Variants in RPGRIP1L observed in about 807,000 individuals in gnomAD.
RPGRIP1L encodes protein fantom.
In RPGRIP1L, 131 loss-of-function variants were observed where a neutral mutation model predicts 160.4. The observed-to-expected ratio is 0.82, with a 90% confidence interval of 0.71 to 0.94. The LOEUF is 0.94. RPGRIP1L is among the 40% of genes least tolerant of loss of function. The pLI is 0.00. For synonymous variants in RPGRIP1L, 510 were observed against 515.8 expected (o/e 0.99, Z 0.15); for missense variants, 1,522 against 1,535.8 (o/e 0.99, Z 0.15).
chr16:53,698,275 G>T (rs933630044), intron 2 of RPGRIP1L, among the ~76,000 whole-genome samples: 37 of 151,342 alleles, frequency 2.4e-4, no homozygotes, highest in Non-Finnish European at 4.1e-4. Flanking sequence ...GGAGGTGGGG[G>T]GTCAGCCCCC....
rs1171426018 is a variant in RPGRIP1L, at chr16:53,601,815, G to A, written c.*261C>T. On this transcript the variant is annotated 3_prime_UTR_variant, in exon 27 of 27. Transcript: ENST00000647211. ...CAAATAGACTTTCTCACGCTATCACGTAGGTATAAATTATTGAGAAGGTAC... is the reference window on the plus strand; with the variant it reads ...CAAATAGACTTTCTCACGCTATCACATAGGTATAAATTATTGAGAAGGTAC... 2.5e-6 allele frequency: 1 copy of A among 400,824 alleles called. No homozygotes were observed. Among genetic ancestry groups the A allele is most frequent in the Non-Finnish European group, 4.6e-6 (1 of 216,918 alleles). The allele number at this position is 400,824 out of a possible 1,614,324, so 24.8% of individuals were successfully genotyped here. A position where few individuals can be genotyped will look rare whatever the true frequency, so the allele number is the denominator to read the frequency against.
Position 53,672,956 on chromosome 16 carries a change from T to G in RPGRIP1L, c.943A>C (p.Met315Leu), listed in dbSNP as rs372720935. 6.2e-7 allele frequency: 1 copy of G among 1,613,230 alleles called. No individual in the cohort carries two copies. Among genetic ancestry groups the G allele is most frequent in the Non-Finnish European group, 8.5e-7 (1 of 1,179,428 alleles). Residue 315 changes from methionine to leucine, a missense_variant, in exon 8 of 27, where the codon ATG (methionine) becomes CTG (leucine). Coordinates refer to ENST00000647211, the MANE Select transcript of RPGRIP1L (RefSeq NM_015272.5). ...ALMANGDELN[M>L]QLKEQRLKCC... ...TTTAAACGCTGCTCTTTAAGTTGCA[T>G]GTTTAATTCATCCCCATTTGCCATC... is the stretch of plus-strand genomic sequence containing the variant.
intron 4 of RPGRIP1L, among the ~76,000 whole-genome samples, chr16:53,688,655 G>T (rs1042515861): frequency 5.9e-5 from 9 of 151,994 alleles, no homozygotes; most frequent in African/African-American, 2.2e-4. Flanking sequence ...GGTAGATAAA[G>T]CATCACAGAT....
At chr16:53,667,314 C>G (rs1399061799) in intron 9 of RPGRIP1L, among the ~76,000 whole-genome samples, 1 of 152,160 alleles carries the variant, frequency 6.6e-6, no homozygotes, top group Non-Finnish European at 1.5e-5. Flanking sequence ...TGATAAAGAT[C>G]TAAATAAAGC....
In RPGRIP1L at chr16:53,687,999, T is replaced by G. The variant is rs770497668; in HGVS notation, c.530-34A>C. 4 of 1,259,562 alleles carry G rather than the reference T, an allele frequency of 3.2e-6. No individual in the cohort carries two copies. The South Asian group carries it at 4.8e-5, about 15-fold the overall frequency. 78.0% of individuals were successfully genotyped at this position (1,259,562 alleles called of 1,614,324 possible). A position where few individuals can be genotyped will look rare whatever the true frequency, so the allele number is the denominator to read the frequency against. On this transcript the variant is annotated intron_variant, in intron 4 of 26. Coordinates refer to ENST00000647211, the MANE Select transcript of RPGRIP1L (RefSeq NM_015272.5). ...AAAGTAATAAAATATGATTACAGAA[T>G]TGAAGTTAGAAAAGAAGGATCTTTG...
intron 26 of RPGRIP1L, among the ~76,000 whole-genome samples, chr16:53,603,781 T>C (rs911794605): frequency 6.6e-6 from 1 of 151,870 alleles, no homozygotes; most frequent in African/African-American, 2.4e-5. Flanking sequence ...AAACTGAGCA[T>C]TGGGTAAGTG....
intron 4 of RPGRIP1L, among the ~76,000 whole-genome samples, chr16:53,691,843 A>G (rs1356154672): frequency 6.6e-6 from 1 of 152,194 alleles, no homozygotes; most frequent in Non-Finnish European, 1.5e-5. Context: ...CATCTCTTAC[A>G]TTAAGGTTAT....
intron 25 of RPGRIP1L, among the ~76,000 whole-genome samples, chr16:53,609,066 G>A (rs921469579): frequency 1.3e-5 from 2 of 152,126 alleles, no homozygotes; most frequent in Non-Finnish European, 2.9e-5. Flanking sequence ...CCATGGGAGA[G>A]TGGGAGTCAT....
chr16:53,672,843 A>G (rs1968853927), intron 8 of RPGRIP1L, 27 bp downstream of exon 8: 2 of 1,602,550 alleles, frequency 1.2e-6, no homozygotes, highest in South Asian at 1.1e-5. Context: ...GTAATGCAAC[A>G]GATGGCTAAA....
chr16:53,696,844 G>A (rs1970799587), intron 2 of RPGRIP1L, among the ~76,000 whole-genome samples: 1 of 152,130 alleles, frequency 6.6e-6, no homozygotes, highest in Non-Finnish European at 1.5e-5. Context: ...TAAATTTTAA[G>A]AACGTTTATA....
At position 53,602,125 on chromosome 16, in the gene RPGRIP1L, T is replaced by C; in HGVS notation, c.3899A>G (p.His1300Arg). 2 of 1,614,000 alleles carry C rather than the reference T, an allele frequency of 1.2e-6. No homozygotes were observed. Residue 1300 changes from histidine to arginine, a missense_variant, in exon 27 of 27, where the codon CAT (histidine) becomes CGT (arginine). Physicochemically the swap from His to Arg is conservative, Grantham distance 29. Transcript: ENST00000647211. ...GKLRVTVEAL[H>R]ALQSVYKQYR... ...TTGCTTGTAGACAGACTGGAGGGCA[T>C]GGAGAGCTTCGACTGTTACCCTGAG...
chr16:53,601,495 T>G lies in RPGRIP1L; in HGVS notation c.*581A>C, dbSNP rs1386133774. On this transcript the variant is annotated 3_prime_UTR_variant, in exon 27 of 27. Transcript: ENST00000647211. ...TTCTTTATATTTAATTGATAGAAAC[T>G]GCATGCATCAAAGAAAATGCATACT... 1 of 153,452 alleles carries G rather than the reference T, an allele frequency of 6.5e-6. No homozygotes were observed. The highest frequency in any genetic ancestry group is 1.5e-5 in the Non-Finnish European group (1 of 68,618). 9.5% of individuals were successfully genotyped at this position (153,452 alleles called of 1,614,324 possible).
intron 4 of RPGRIP1L, among the ~76,000 whole-genome samples, chr16:53,689,120 T>G (rs1037660907): frequency 6.6e-6 from 1 of 150,718 alleles, no homozygotes; most frequent in Non-Finnish European, 1.5e-5. Context: ...TTTTAAAGAT[T>G]GATACATAAT....
At chr16:53,655,019 A>G (rs983309685) in intron 14 of RPGRIP1L, among the ~76,000 whole-genome samples, 14 of 152,196 alleles carry the variant, frequency 9.2e-5, no homozygotes, top group African/African-American at 2.9e-4. Context: ...TGAGGTCACA[A>G]CTATTTTTAT....
chr16:53,621,913 C>T (rs1371603648), intron 23 of RPGRIP1L, among the ~76,000 whole-genome samples: 4 of 146,220 alleles, frequency 2.7e-5, no homozygotes, highest in Admixed American at 1.4e-4. Context: ...GTCCCAGCTA[C>T]TCGGGAGGCT....
At chr16:53,636,240 T>C (rs1429196537) in intron 22 of RPGRIP1L, among the ~76,000 whole-genome samples, 199 bp downstream of exon 22, 1 of 152,162 alleles carries the variant, frequency 6.6e-6, no homozygotes, top group Non-Finnish European at 1.5e-5. Flanking sequence ...AATACTTACA[T>C]GTTATAGTCC....
At chr16:53,642,686 G>A (rs533430416) in intron 17 of RPGRIP1L, among the ~76,000 whole-genome samples, 5 of 152,274 alleles carry the variant, frequency 3.3e-5, no homozygotes, top group African/African-American at 1.2e-4. Flanking sequence ...CTGCACCTCA[G>A]TAAGAACAGT....
At chr16:53,690,465 G>C (rs545373938) in intron 4 of RPGRIP1L, among the ~76,000 whole-genome samples, 1 of 152,120 alleles carries the variant, frequency 6.6e-6, no homozygotes, top group Non-Finnish European at 1.5e-5. Context: ...CAAAGTGCTG[G>C]GATTATAGGC....
rs766853230 is a variant in RPGRIP1L at position 53,692,115 on chromosome 16, C to T, written c.480G>A (p.Gly160=). The change falls in exon 4 of 27, where the codon GGG becomes GGA. Residue 160 remains glycine, a synonymous_variant. Transcript: ENST00000647211. ...YNNVQSRINT[G]RRKANENAGL... is the part of the protein sequence containing the mutation. Reference sequence around the variant, plus strand: ...CAGCATTTTCATTTGCTTTTCTACGCCCAGTGTTAATACGAGATTGTACAT... The same window carrying T: ...CAGCATTTTCATTTGCTTTTCTACGTCCAGTGTTAATACGAGATTGTACAT... The T allele has an allele frequency of 6.2e-7, 1 of 1,613,906 alleles. No homozygotes were observed. Among genetic ancestry groups the T allele is most frequent in the African/African-American group, 1.3e-5 (1 of 74,848 alleles).
Sources: gnomAD v4.1 joint callset for allele counts (sites outside exome capture counted in the v4.1 genomes callset) on GRCh38, gnomAD v4.1.1 for gene constraint, MANE v1.5 for transcripts, NCBI Gene and HGNC (gene_info 2026-07-23, HGNC 2026-07-21) for gene names.